Variants in CLYBL observed in about 807,000 individuals in gnomAD.
CLYBL encodes citramalyl-CoA lyase, mitochondrial.
In CLYBL, 31 loss-of-function variants were observed where a neutral mutation model predicts 38.9. The observed-to-expected ratio is 0.80, with a 90% confidence interval of 0.60 to 1.08. CLYBL has a LOEUF of 1.08. CLYBL is among the 50% of genes least tolerant of loss of function. CLYBL has a pLI of 0.00. For synonymous variants in CLYBL, 171 were observed against 158.6 expected (o/e 1.08, Z -0.59); for missense variants, 434 against 411.6 (o/e 1.05, Z -0.47).
At chr13:99,677,508 CATA>C (rs1399749102) in intron 1 of CLYBL, among the ~76,000 whole-genome samples, 6 of 152,098 alleles carry the variant, frequency 3.9e-5, no homozygotes, top group African/African-American at 1.4e-4. Context: ...TAAACGTTTC[CATA>C]ATGAGTTCCC....
intron 2 of CLYBL, among the ~76,000 whole-genome samples, chr13:99,815,838 C>T (rs1344273202): frequency 1.3e-5 from 2 of 152,126 alleles, no homozygotes; most frequent in Non-Finnish European, 2.9e-5. Context: ...GATCGCGCCA[C>T]TGCACTCCAG....
At chr13:99,681,186 A>C (rs996486653) in intron 1 of CLYBL, among the ~76,000 whole-genome samples, 3 of 152,198 alleles carry the variant, frequency 2.0e-5, no homozygotes, top group African/African-American at 7.2e-5. Context: ...AATGGAGATA[A>C]AGTACGTTAT....
At chr13:99,654,083 T>G (rs929220839) in intron 1 of CLYBL, among the ~76,000 whole-genome samples, 1 of 152,156 alleles carries the variant, frequency 6.6e-6, no homozygotes, top group African/African-American at 2.4e-5. Context: ...GCTGCTTGGT[T>G]TGCTCCCACC....
At chr13:99,788,821 C>T (rs1178667614) in intron 2 of CLYBL, among the ~76,000 whole-genome samples, 1 of 152,136 alleles carries the variant, frequency 6.6e-6, no homozygotes, top group African/African-American at 2.4e-5. Context: ...GCTGTGAATC[C>T]GTCTGGTCCT....
At chr13:99,663,171 G>A (rs531690364) in intron 1 of CLYBL, among the ~76,000 whole-genome samples, 6 of 152,164 alleles carry the variant, frequency 3.9e-5, no homozygotes, top group Non-Finnish European at 5.9e-5. Context: ...GGTAAACCCC[G>A]AGGGGAATAC....
intron 2 of CLYBL, among the ~76,000 whole-genome samples, chr13:99,847,994 G>A (rs189575002): frequency 6.6e-6 from 1 of 152,260 alleles, no homozygotes; most frequent in Admixed American, 6.5e-5. Context: ...CTGTCTCCTG[G>A]TTCAAGCTCC....
chr13:99,743,721 C>T (rs1165274772), intron 1 of CLYBL, among the ~76,000 whole-genome samples: 1 of 152,118 alleles, frequency 6.6e-6, no homozygotes, highest in African/African-American at 2.4e-5. Context: ...TAACAAACAA[C>T]TTACATCTTT....
At chr13:99,889,729 G>A (rs1462829479) in intron 7 of CLYBL, among the ~76,000 whole-genome samples, 1 of 152,068 alleles carries the variant, frequency 6.6e-6, no homozygotes, top group African/African-American at 2.4e-5. Context: ...CATTGCTAAG[G>A]ATTCCCCCCA....
intron 3 of CLYBL, among the ~76,000 whole-genome samples, chr13:99,860,729 T>G (rs939485745): frequency 6.6e-6 from 1 of 152,280 alleles, no homozygotes; most frequent in African/African-American, 2.4e-5. Context: ...GAACTTCTAG[T>G]TAACAGAAGT....
Position 99,870,989 on chromosome 13 carries a change from C to G in CLYBL, c.854C>G (p.Ser285Cys), listed in dbSNP as rs368329602. Residue 285 changes from serine (S) to cysteine (C), a missense_variant, in exon 7 of 9, where the codon TCT (serine) becomes TGT (cysteine). Ser to Cys is a moderately radical substitution (Grantham distance 112). Coordinates refer to ENST00000339105, the MANE Select transcript of CLYBL (RefSeq NM_206808.5). Reference protein sequence around the residue: ...NQIAVVQEQFSPSPEKIKWAE... With the variant: ...NQIAVVQEQFCPSPEKIKWAE... ...ATTGCCGTGGTCCAGGAGCAGTTTT[C>G]TCCTTCCCCTGAAAAAATTAAGTGG... 1.3e-5 allele frequency: 21 copies of G among 1,613,660 alleles called. No homozygotes were observed. The highest frequency in any genetic ancestry group is 1.6e-5 in the Non-Finnish European group (19 of 1,179,834).
chr13:99,832,357 T>A (rs1467662485), intron 2 of CLYBL, among the ~76,000 whole-genome samples: 1 of 152,222 alleles, frequency 6.6e-6, no homozygotes, highest in East Asian at 1.9e-4. Flanking sequence ...AAGAACCCAC[T>A]TTAGACCTCA....
intron 2 of CLYBL, among the ~76,000 whole-genome samples, chr13:99,783,337 C>T (rs538641093): frequency 6.6e-6 from 1 of 152,014 alleles, no homozygotes; most frequent in African/African-American, 2.4e-5. Context: ...GCCGCCATGC[C>T]TGGGCCATCC....
At chr13:99,659,492 C>G (rs746330632) in intron 1 of CLYBL, among the ~76,000 whole-genome samples, 6 of 152,142 alleles carry the variant, frequency 3.9e-5, no homozygotes, top group Non-Finnish European at 8.8e-5. Flanking sequence ...TTCAGTTTCA[C>G]TACATATGCA....
intron 2 of CLYBL, among the ~76,000 whole-genome samples, chr13:99,781,812 C>T (rs1264460044): frequency 6.6e-6 from 1 of 152,128 alleles, no homozygotes; most frequent in African/African-American, 2.4e-5. Flanking sequence ...TCTTTCCTCT[C>T]TTAGTTTATA....
intron 1 of CLYBL, among the ~76,000 whole-genome samples, chr13:99,728,500 G>T (rs995503076): frequency 6.6e-6 from 1 of 151,488 alleles, no homozygotes; most frequent in African/African-American, 2.4e-5. Flanking sequence ...GGATGTTCTC[G>T]ATCTCCTGAC....
At chr13:99,764,928 A>G (rs1011669385) in intron 1 of CLYBL, among the ~76,000 whole-genome samples, 2 of 151,946 alleles carry the variant, frequency 1.3e-5, no homozygotes, top group African/African-American at 2.4e-5. Flanking sequence ...GCCTCAGGCA[A>G]TCCTGCTGCC....
chr13:99,849,146 AAAAAAG>A lies in CLYBL; in HGVS notation c.250-9709_250-9704del, dbSNP rs1192495066. Reference sequence around the variant, plus strand: ...ACGTGAGACTCCATCTCAAAAAAAGAAAAAAGAAAAAAAAAACACTATTGAGAAAGA... The same window carrying A: ...ACGTGAGACTCCATCTCAAAAAAAGAAAAAAAAAAACACTATTGAGAAAGA... On this transcript the variant is annotated intron_variant, in intron 2 of 8. Coordinates refer to ENST00000339105, the MANE Select transcript of CLYBL (RefSeq NM_206808.5). The surrounding 1 kb of genome is among the most constrained non-coding windows in gnomAD (Gnocchi z 4.9). 2.7e-5 allele frequency among the ~76,000 whole-genome samples: 2 copies of A among 74,164 alleles called. No individual in the cohort carries two copies. The highest frequency in any genetic ancestry group is 1.6e-4 in the African/African-American group (2 of 12,326). The allele number at this position is 74,164 out of a possible 152,430, so 48.7% of individuals were successfully genotyped here.
At chr13:99,688,923 C>T (rs548526133) in intron 1 of CLYBL, among the ~76,000 whole-genome samples, 1 of 152,240 alleles carries the variant, frequency 6.6e-6, no homozygotes, top group South Asian at 2.1e-4. Context: ...TACTCAGCAC[C>T]GTCATTCATC....
chr13:99,854,710 T>C (rs2051416501), intron 2 of CLYBL, among the ~76,000 whole-genome samples: 1 of 152,198 alleles, frequency 6.6e-6, no homozygotes, highest in Admixed American at 6.5e-5. Flanking sequence ...TTGAACCAAC[T>C]GCACGCATAT....
Sources: allele counts gnomAD v4.1 joint callset (sites outside exome capture counted in the v4.1 genomes callset), GRCh38; gene constraint gnomAD v4.1.1; non-coding constraint Gnocchi (gnomAD v3.1); transcripts MANE v1.5; gene names NCBI Gene and HGNC (gene_info 2026-07-23, HGNC 2026-07-21).